Variants in FANCI observed in about 807,000 individuals in gnomAD.
The protein encoded by FANCI is FA complementation group I.
Under a neutral mutation model 176.1 loss-of-function variants are expected in FANCI, and 156 were observed. That is an observed-to-expected ratio of 0.89 (90% CI 0.78 to 1.01). The LOEUF (loss-of-function observed/expected upper bound fraction) is 1.01. Among genes scored for constraint, FANCI ranks in the 50% least tolerant of loss-of-function variants. The probability of loss-of-function intolerance (pLI) is 0.00; values close to 1 mark genes in which losing one functional copy is unlikely to be tolerated. For synonymous variants in FANCI, 613 were observed against 541.7 expected (o/e 1.13, Z -1.83); for missense variants, 1,678 against 1,534.1 (o/e 1.09, Z -1.57).
chr15:89,263,506 A>G (rs1467802081), intron 7 of FANCI, 46 bp downstream of exon 7: 4 of 1,486,884 alleles, frequency 2.7e-6, no homozygotes, highest in Non-Finnish European at 3.8e-6. Context: ...TGCTTTGTGA[A>G]CTTACTTGCT....
At chr15:89,314,581 G>GA (rs1555451331) in intron 35 of FANCI, 31 bp from the exon 36 acceptor site, 4 of 1,545,270 alleles carry the variant, frequency 2.6e-6, no homozygotes, top group Non-Finnish European at 1.8e-6. Context: ...CATTGAACCT[G>GA]AAATTTAAGT....
chr15:89,296,502 G>A lies in FANCI; in HGVS notation c.2636+1408G>A, dbSNP rs1217635514. ...CACAGCACATGTTTCAGAGAGCACG[G>A]GGTTGCGGGTAAGGTCACAGATCAA... is the stretch of plus-strand genomic sequence containing the variant. On this transcript the variant is annotated intron_variant, in intron 24 of 37. Transcript: ENST00000310775. Among the ~76,000 whole-genome samples the A allele has an allele frequency of 5.3e-5, 8 of 152,204 alleles. No individual in the cohort carries two copies. In the East Asian group the frequency reaches 1.5e-3, roughly 29 times the overall value.
intron 2 of FANCI, among the ~76,000 whole-genome samples, chr15:89,251,986 A>T (rs2052273063): frequency 6.6e-6 from 1 of 152,154 alleles, no homozygotes; most frequent in Non-Finnish European, 1.5e-5. Flanking sequence ...ACCTAGAGAA[A>T]ACAATCACAG....
intron 27 of FANCI, among the ~76,000 whole-genome samples, chr15:89,302,008 G>A (rs1766188568): frequency 1.3e-5 from 2 of 152,222 alleles, no homozygotes; most frequent in African/African-American, 2.4e-5. Flanking sequence ...GTACCCACAT[G>A]AGCGTTCACA....
chr15:89,294,566 C>T (rs1009735971), intron 23 of FANCI, among the ~76,000 whole-genome samples: 3 of 150,952 alleles, frequency 2.0e-5, no homozygotes, highest in African/African-American at 7.3e-5. Context: ...GCCTGGGCAA[C>T]AAGAACAAAA....
rs1315856892 is a variant in FANCI, at chr15:89,290,300, G to T, written c.1890+19G>T. 11 of 1,588,992 alleles carry T rather than the reference G, an allele frequency of 6.9e-6. No homozygotes were observed. The highest frequency in any genetic ancestry group is 1.7e-5 in the Admixed American group (1 of 59,966). On this transcript the variant is annotated intron_variant, in intron 19 of 37. Coordinates refer to ENST00000310775, the MANE Select transcript of FANCI (RefSeq NM_001113378.2). ...CTCACAGGTAAAATACATTTTTATG[G>T]ATATATGGAAAACAGACCATCAAGG...
chr15:89,303,788 A>C lies in FANCI; in HGVS notation c.3007-76A>C, dbSNP rs1449969410. ...GATTTGCTTAGATATGGAAAGGTCT[A>C]GAACTCTTCTGTTCTGACAACACCT... On this transcript the variant is annotated intron_variant, in intron 27 of 37. Transcript: ENST00000310775. 2.3e-6 allele frequency: 3 copies of C among 1,317,454 alleles called. No individual in the cohort carries two copies. The African/African-American group carries it at 4.3e-5, about 19-fold the overall frequency. The allele number at this position is 1,317,454 out of a possible 1,614,324, so 81.6% of individuals were successfully genotyped here.
chr15:89,290,208 C>T lies in FANCI; in HGVS notation c.1822-5C>T. Reference sequence around the variant, plus strand: ...TGCTTATTTCTTCTCTTTGATTCCTCTTAGGGGTTTTATGATGTTCTTCGA... The same window carrying T: ...TGCTTATTTCTTCTCTTTGATTCCTTTTAGGGGTTTTATGATGTTCTTCGA... On this transcript the variant is annotated splice_polypyrimidine_tract_variant and splice_region_variant and intron_variant, in intron 18 of 37. Coordinates refer to ENST00000310775, the MANE Select transcript of FANCI (RefSeq NM_001113378.2). 6.2e-7 allele frequency: 1 copy of T among 1,611,994 alleles called. No homozygotes were observed. Among genetic ancestry groups the T allele is most frequent in the Non-Finnish European group, 8.5e-7 (1 of 1,178,070 alleles).
chr15:89,314,849 C>CGT (rs1567180887), intron 36 of FANCI, 142 bp downstream of exon 36: 2 of 397,968 alleles, frequency 5.0e-6, no homozygotes, highest in Non-Finnish European at 8.8e-6. Context: ...CCCCCCCCCC[C>CGT]TTTTTTTTTT....
chr15:89,307,673 G>A lies in FANCI; in HGVS notation c.3651+1G>A. ...TTATTCTTTCATTTCTTACGTACAGGTAAGAGATTCAGAGGCAGTACCCAA... is the reference window on the plus strand; with the variant it reads ...TTATTCTTTCATTTCTTACGTACAGATAAGAGATTCAGAGGCAGTACCCAA... On this transcript the variant is annotated splice_donor_variant, in intron 34 of 37. Transcript: ENST00000310775. LOFTEE classifies it high-confidence loss of function. The A allele has an allele frequency of 6.2e-7, 1 of 1,614,084 alleles. No individual in the cohort carries two copies. The highest frequency in any genetic ancestry group is 8.5e-7 in the Non-Finnish European group (1 of 1,180,022).
chr15:89,307,557 TG>T (rs1441019577), intron 33 of FANCI, 28 bp downstream of exon 33: 5 of 1,614,150 alleles, frequency 3.1e-6, no homozygotes, highest in Non-Finnish European at 4.2e-6. Flanking sequence ...TTCCTAGGAA[TG>T]GGGGAAGCAC....
At chr15:89,300,411 A>T in intron 26 of FANCI, 26 bp downstream of exon 26, 1 of 1,602,324 alleles carries the variant, frequency 6.2e-7, no homozygotes, top group Non-Finnish European at 8.6e-7. Flanking sequence ...AAGCTGCTGT[A>T]CTGGCCTGAG....
intron 34 of FANCI, among the ~76,000 whole-genome samples, chr15:89,309,777 CCTATT>C (rs1567177006): frequency 6.6e-6 from 1 of 152,140 alleles, no homozygotes; most frequent in African/African-American, 2.4e-5. Flanking sequence ...AGTTTTCAGA[CCTATT>C]CAAGAACATT....
At chr15:89,305,439 A>G in intron 30 of FANCI, 30 bp downstream of exon 30, 1 of 1,613,004 alleles carries the variant, frequency 6.2e-7, no homozygotes, top group Non-Finnish European at 8.5e-7. Context: ...CATGGGGAAT[A>G]GCTTTGTCAT....
intron 3 of FANCI, among the ~76,000 whole-genome samples, chr15:89,260,303 C>T (rs1267677563): frequency 6.6e-6 from 1 of 152,058 alleles, no homozygotes; most frequent in Non-Finnish European, 1.5e-5. Context: ...CAAATGAAAG[C>T]ACTCAACTTA....
Position 89,267,320 on chromosome 15 carries a change from C to CA in FANCI, c.756-1067dup, listed in dbSNP as rs35394265. Among the ~76,000 whole-genome samples, 106 of 130,264 alleles carry CA rather than the reference C, an allele frequency of 8.1e-4. 3 individuals are homozygous for CA. In the East Asian group the frequency reaches 0.019, roughly 23 times the overall value. The allele number at this position is 130,264 out of a possible 152,430, so 85.5% of individuals were successfully genotyped here. On this transcript the variant is annotated intron_variant, in intron 9 of 37. Coordinates refer to ENST00000310775, the MANE Select transcript of FANCI (RefSeq NM_001113378.2). ...GGGCAATGGGAGTGAATCCTTGTCT[C>CA]AAAAAAAAAAAATTTTTTTTTTTTT...
rs375447768 is a variant in FANCI, at chr15:89,257,587, GTTCCCCTTTTTATAAGGGCA to G, written c.85-1114_85-1095del. ...CCCTGTTTGTGTTTCTGTGTCCAGAGTTCCCCTTTTTATAAGGGCATTAGTCTTTGGATTAGGACCCATCC... is the reference window on the plus strand; with the variant it reads ...CCCTGTTTGTGTTTCTGTGTCCAGAGTTAGTCTTTGGATTAGGACCCATCC... On this transcript the variant is annotated intron_variant, in intron 2 of 37. Transcript: ENST00000310775. Among the ~76,000 whole-genome samples the G allele has an allele frequency of 2.6e-3, 392 of 152,246 alleles. 3 individuals are homozygous for G. The highest frequency in any genetic ancestry group is 9.1e-3 in the African/African-American group (376 of 41,534).
At chr15:89,258,250 T>G (rs1445349208) in intron 2 of FANCI, among the ~76,000 whole-genome samples, 1 of 152,166 alleles carries the variant, frequency 6.6e-6, no homozygotes, top group Non-Finnish European at 1.5e-5. Context: ...AAGCTTCCCC[T>G]TACTACCCTA....
Position 89,290,291 on chromosome 15 carries a change from A to AT in FANCI, c.1890+15dup. On this transcript the variant is annotated intron_variant, in intron 19 of 37. Coordinates refer to ENST00000310775, the MANE Select transcript of FANCI (RefSeq NM_001113378.2). ...AACTCTGCTCTCACAGGTAAAATAC[A>AT]TTTTTATGGATATATGGAAAACAGA... 6.2e-7 allele frequency: 1 copy of AT among 1,600,992 alleles called. No homozygotes were observed. The highest frequency in any genetic ancestry group is 8.6e-7 in the Non-Finnish European group (1 of 1,168,092).
Sources: allele counts gnomAD v4.1 joint callset (sites outside exome capture counted in the v4.1 genomes callset), GRCh38; gene constraint gnomAD v4.1.1; transcripts MANE v1.5; gene names NCBI Gene and HGNC (gene_info 2026-07-23, HGNC 2026-07-21).